Variants in LRIF1 observed in about 807,000 individuals in gnomAD.
LRIF1 encodes ligand dependent nuclear receptor interacting factor 1, also known as ligand-dependent nuclear receptor-interacting factor 1.
LRIF1 carries 32 observed loss-of-function variants against 52.7 expected under a neutral mutation model. The ratio of observed to expected loss-of-function variants is 0.61; its 90% CI spans 0.46 to 0.82. LRIF1 has a LOEUF of 0.82. Ranked by LOEUF, LRIF1 falls within the 40% of genes least tolerant of loss-of-function variation. The pLI is 0.00. For synonymous variants in LRIF1, 323 were observed against 317.4 expected, an observed-to-expected ratio of 1.02 and a Z score of -0.19; for missense variants, 887 against 892.0, an observed-to-expected ratio of 0.99 and a Z score of 0.07.
Position 110,948,091 on chromosome 1 carries a change from T to C in LRIF1, c.2178A>G (p.Glu726=). The part of the protein sequence containing the change: ...QSHFFNKNYT[E]DIFPVTPPEL... ...CCGGTGGTGTCACTGGGAAAATATC[T>C]TCGGTATAATTTTTATTGAAGAAAT... The change falls in exon 4 of 4, where the codon GAA becomes GAG. Residue 726 remains glutamate (E), a synonymous_variant. Coordinates refer to ENST00000369763, the MANE Select transcript of LRIF1 (RefSeq NM_018372.4). 1 of 1,614,082 alleles carries C rather than the reference T, an allele frequency of 6.2e-7. No individual in the cohort carries two copies. The highest frequency in any genetic ancestry group is 8.5e-7 in the Non-Finnish European group (1 of 1,179,996).
At chr1:110,943,903 A>G (rs968265751), downstream of LRIF1, 1 of 152,220 alleles carries the variant, frequency 6.6e-6, no homozygotes, top group African/African-American at 2.4e-5. Flanking sequence ...CTACAATAGC[A>G]TATTACAGAA....
At chr1:110,914,211 C>T in the LRIF1 span, among the ~76,000 whole-genome samples, 3 of 152,040 alleles carry the variant, frequency 2.0e-5, no homozygotes, top group Admixed American at 6.6e-5. Context: ...GTACTATGCT[C>T]ACTCCCTGGG....
chr1:110,875,105 G>T, the LRIF1 span, among the ~76,000 whole-genome samples: 7 of 152,252 alleles, frequency 4.6e-5, no homozygotes, highest in Middle Eastern at 3.4e-3. Context: ...GTGACTGGTG[G>T]GTTCACTTTC....
At chr1:110,890,453 G>A in the LRIF1 span, among the ~76,000 whole-genome samples, 1 of 152,236 alleles carries the variant, frequency 6.6e-6, no homozygotes, top group South Asian at 2.1e-4. Flanking sequence ...TTTAGTCTCA[G>A]CTACCTGGGA....
At chr1:110,957,275 G>A (rs1658738656) in intron 1 of LRIF1, among the ~76,000 whole-genome samples, 1 of 137,028 alleles carries the variant, frequency 7.3e-6, no homozygotes, top group Non-Finnish European at 1.5e-5. Context: ...GGCTAACACA[G>A]TGAAACCCCA....
the LRIF1 span, among the ~76,000 whole-genome samples, chr1:110,909,472 T>C: frequency 3.3e-5 from 5 of 149,770 alleles, no homozygotes; most frequent in East Asian, 2.0e-4. Flanking sequence ...TATACTGTCC[T>C]CAAGAGAGTC....
At chr1:110,955,398 A>G (rs965569267) in intron 1 of LRIF1, among the ~76,000 whole-genome samples, 3 of 152,152 alleles carry the variant, frequency 2.0e-5, no homozygotes, top group African/African-American at 7.2e-5. Flanking sequence ...TTCTCCAATC[A>G]TATCTTCTAC....
chr1:110,876,968 A>G, the LRIF1 span, among the ~76,000 whole-genome samples: 2 of 152,192 alleles, frequency 1.3e-5, no homozygotes, highest in African/African-American at 2.4e-5. Context: ...ATTTCTACAA[A>G]CAAATGCATT....
At chr1:110,906,109 G>A in the LRIF1 span, among the ~76,000 whole-genome samples, 6 of 151,722 alleles carry the variant, frequency 4.0e-5, no homozygotes, top group Non-Finnish European at 5.9e-5. Context: ...AAGAAAGAAG[G>A]AAGAGAAGAC....
the LRIF1 span, among the ~76,000 whole-genome samples, chr1:110,931,248 C>A: frequency 6.6e-6 from 1 of 152,060 alleles, no homozygotes; most frequent in Non-Finnish European, 1.5e-5. Context: ...GGTTTTCTCT[C>A]CTTGTGACAG....
the LRIF1 span, among the ~76,000 whole-genome samples, chr1:110,884,461 C>G: frequency 6.6e-6 from 1 of 152,092 alleles, no homozygotes; most frequent in Non-Finnish European, 1.5e-5. Flanking sequence ...GTGGAGTGTT[C>G]TATCACAATC....
At chr1:110,962,096 A>ACACAC (rs1553212108) in intron 1 of LRIF1, among the ~76,000 whole-genome samples, 11 of 151,554 alleles carry the variant, frequency 7.3e-5, no homozygotes, top group African/African-American at 1.9e-4. Flanking sequence ...ACACACACAC[A>ACACAC]AAGTAAAGTT....
At chr1:110,929,939 C>T in the LRIF1 span, among the ~76,000 whole-genome samples, 1 of 152,150 alleles carries the variant, frequency 6.6e-6, no homozygotes, top group Non-Finnish European at 1.5e-5. Flanking sequence ...ACGAAATAAT[C>T]TGTACATCAA....
At chr1:110,895,439 C>T in the LRIF1 span, among the ~76,000 whole-genome samples, 1 of 152,186 alleles carries the variant, frequency 6.6e-6, no homozygotes, top group African/African-American at 2.4e-5. Context: ...CCTAGCCCAC[C>T]AACATCCCAT....
At chr1:110,913,861 A>G in the LRIF1 span, among the ~76,000 whole-genome samples, 1 of 152,228 alleles carries the variant, frequency 6.6e-6, no homozygotes, top group South Asian at 2.1e-4. Context: ...TTGCAGCACT[A>G]TTCACAATAG....
the LRIF1 span, among the ~76,000 whole-genome samples, chr1:110,887,224 T>C: frequency 9.9e-5 from 15 of 151,870 alleles, no homozygotes; most frequent in African/African-American, 3.1e-4. Context: ...CCACCACGCC[T>C]GGCTAATTTT....
In LRIF1 at chr1:110,952,086, T is replaced by C. The variant is rs1197603257; in HGVS notation, c.798A>G (p.Thr266=). 4 of 1,614,106 alleles carry C rather than the reference T, an allele frequency of 2.5e-6. No individual in the cohort carries two copies. In the East Asian group the frequency reaches 8.9e-5, roughly 36 times the overall value. The change falls in exon 2 of 4, where the codon ACA becomes ACG. Residue 266 remains threonine, a synonymous_variant. Transcript: ENST00000369763. ...EIAKPVILNT[T]QIPKNVATET... Reference sequence around the variant, plus strand: ...CTGTAGCAACATTCTTTGGAATTTGTGTGGTATTTAGTATTACTGGCTTTG... The same window carrying C: ...CTGTAGCAACATTCTTTGGAATTTGCGTGGTATTTAGTATTACTGGCTTTG...
At chr1:110,957,552 C>A (rs1658757932) in intron 1 of LRIF1, among the ~76,000 whole-genome samples, 1 of 149,024 alleles carries the variant, frequency 6.7e-6, no homozygotes, top group East Asian at 2.0e-4. Context: ...AATAATGACT[C>A]CCATAGTTAT....
At chr1:110,954,331 A>G (rs1203924017) in intron 1 of LRIF1, among the ~76,000 whole-genome samples, 2 of 152,028 alleles carry the variant, frequency 1.3e-5, no homozygotes, top group Admixed American at 1.3e-4. Context: ...TCCAGACTGG[A>G]GTGTAGGTGT....
Sources: allele counts gnomAD v4.1 joint callset (sites outside exome capture counted in the v4.1 genomes callset), GRCh38; gene constraint gnomAD v4.1.1; transcripts MANE v1.5; gene names NCBI Gene and HGNC (gene_info 2026-07-23, HGNC 2026-07-21).